TG: variants seen among roughly 807,000 people sequenced by gnomAD.
TG encodes thyroid hormones.
Under a neutral mutation model 324.7 loss-of-function variants are expected in TG, and 270 were observed. The ratio of observed to expected loss-of-function variants is 0.83; its 90% confidence interval spans 0.75 to 0.92. TG has a LOEUF of 0.92. Ranked by LOEUF, TG falls within the 40% of genes least tolerant of loss-of-function variation. TG has a pLI of 0.00. For synonymous variants in TG, 1,401 were observed against 1,327.0 expected (o/e 1.06, Z -1.21); for missense variants, 3,591 against 3,456.4 (o/e 1.04, Z -0.98).
chr8:133,078,551 C>G (rs1012646783), intron 41 of TG, among the ~76,000 whole-genome samples: 3 of 152,206 alleles, frequency 2.0e-5, no homozygotes. Flanking sequence ...TTTATTCAAG[C>G]ATGCATTTTG....
chr8:132,937,211 A>G (rs1823738164), intron 25 of TG, among the ~76,000 whole-genome samples: 2 of 152,158 alleles, frequency 1.3e-5, no homozygotes, highest in African/African-American at 4.8e-5. Context: ...GAAGGGGAGT[A>G]CAGGTGTCAC....
chr8:133,133,307 A>G (rs1852087657), intron 46 of TG, 163 bp from the exon 47 acceptor site: 4 of 750,894 alleles, frequency 5.3e-6, no homozygotes, highest in Non-Finnish European at 9.3e-6. Flanking sequence ...TGCAGTCAAG[A>G]TCACAACCCC....
Position 132,890,592 on chromosome 8 carries a change from T to C in TG, c.2761+2024T>C, listed in dbSNP as rs76265524. 9.1e-3 allele frequency among the ~76,000 whole-genome samples: 1,385 copies of C among 152,318 alleles called. 39 individuals carry two copies. The highest frequency in any genetic ancestry group is 0.087 in the East Asian group (452 of 5,186). On this transcript the variant is annotated intron_variant, in intron 10 of 47. Coordinates refer to ENST00000220616, the MANE Select transcript of TG (RefSeq NM_003235.5). The stretch of plus-strand genomic sequence containing the variant: ...ACAGAACAGTAGCTGTCTTGTACCA[T>C]GGTTCTACCATCTACTGCTCTGTGA...
At chr8:133,009,376 C>T (rs1308058573) in intron 35 of TG, among the ~76,000 whole-genome samples, 2 of 152,028 alleles carry the variant, frequency 1.3e-5, no homozygotes, top group East Asian at 3.9e-4. Flanking sequence ...AAGCCAGGTC[C>T]CAACTTCAGG....
intron 41 of TG, among the ~76,000 whole-genome samples, chr8:133,060,612 T>C (rs1329830844): frequency 1.3e-5 from 2 of 152,216 alleles, no homozygotes; most frequent in Non-Finnish European, 2.9e-5. Context: ...TGTGTGTCTG[T>C]ACAACCAAAG....
intron 41 of TG, among the ~76,000 whole-genome samples, chr8:133,071,391 CT>C (rs1292446922): frequency 6.6e-6 from 1 of 152,210 alleles, no homozygotes; most frequent in Admixed American, 6.5e-5. Context: ...CTACCGTGTC[CT>C]TAGGCCTGAG....
chr8:133,110,209 C>T (rs776463131), intron 43 of TG, among the ~76,000 whole-genome samples: 1 of 152,162 alleles, frequency 6.6e-6, no homozygotes, highest in Non-Finnish European at 1.5e-5. Flanking sequence ...CGCTCCAGCC[C>T]GGGGCATTAG....
chr8:133,056,528 G>A (rs1044645146), intron 41 of TG, among the ~76,000 whole-genome samples: 1 of 152,278 alleles, frequency 6.6e-6, no homozygotes, highest in African/African-American at 2.4e-5. Context: ...ACACTGAGGT[G>A]GGGAGAGGGA....
chr8:133,085,529 C>T (rs756683158), intron 41 of TG, among the ~76,000 whole-genome samples: 4 of 152,076 alleles, frequency 2.6e-5, no homozygotes, highest in African/African-American at 4.8e-5. Flanking sequence ...ATAACTCAAT[C>T]TGAAAATAAG....
Position 133,073,511 on chromosome 8 carries a change from G to A in TG, c.7240-21533G>A, listed in dbSNP as rs577053688. On this transcript the variant is annotated intron_variant, in intron 41 of 47. Transcript: ENST00000220616. ...CGAGTAGCTGGGATTACAGGCACCC[G>A]CCACCAAGCCCAGCTAATTTTTGTA... 5.3e-5 allele frequency among the ~76,000 whole-genome samples: 8 copies of A among 152,084 alleles called. No homozygotes were observed. In the South Asian group the frequency reaches 8.3e-4, roughly 16 times the overall value.
chr8:132,875,423 T>C (rs1487325548), intron 5 of TG, among the ~76,000 whole-genome samples: 1 of 152,240 alleles, frequency 6.6e-6, no homozygotes, highest in Non-Finnish European at 1.5e-5. Flanking sequence ...TACAAATGAT[T>C]ACTGAAACAC....
At chr8:133,094,393 A>T (rs186692287) in intron 41 of TG, among the ~76,000 whole-genome samples, 3 of 151,918 alleles carry the variant, frequency 2.0e-5, no homozygotes, top group Admixed American at 6.6e-5. Flanking sequence ...GGCGCCCGTC[A>T]CCACGCCTGG....
chr8:132,951,082 G>A (rs894773885), intron 27 of TG, among the ~76,000 whole-genome samples: 3 of 152,090 alleles, frequency 2.0e-5, no homozygotes, highest in East Asian at 1.9e-4. Flanking sequence ...CTCTGTATGG[G>A]CCCTTGCAGA....
rs376606943 is a variant in TG at position 132,885,678 on chromosome 8, A to G, written c.1076-770A>G. Among the ~76,000 whole-genome samples, 17 of 152,326 alleles carry G rather than the reference A, an allele frequency of 1.1e-4. No homozygotes were observed. In the East Asian group the frequency reaches 2.7e-3, roughly 24 times the overall value. On this transcript the variant is annotated intron_variant, in intron 8 of 47. Transcript: ENST00000220616. ...AATACGCATAGGAATGTGTTGGTCT[A>G]CTAGTCTCCTAGAGCTGCCACAACA...
In TG at chr8:133,069,603, C is replaced by T. The variant is rs1416540908; in HGVS notation, c.7240-25441C>T. On this transcript the variant is annotated intron_variant, in intron 41 of 47. Transcript: ENST00000220616. ...GACTGAGTGGTGAGTGACCGTCTCC[C>T]CTACTGGACTATAAGTGCCTTGAGA... is the stretch of plus-strand genomic sequence containing the variant. Among the ~76,000 whole-genome samples, 5 of 152,268 alleles carry T rather than the reference C, an allele frequency of 3.3e-5. 1 individual carries two copies. In the East Asian group the frequency reaches 7.7e-4, roughly 23 times the overall value.
chr8:132,902,776 G>C (rs1794000698), intron 16 of TG, among the ~76,000 whole-genome samples: 1 of 152,160 alleles, frequency 6.6e-6, no homozygotes, highest in African/African-American at 2.4e-5. Context: ...GACCGGTGTG[G>C]CCTCCTCCAG....
At chr8:133,057,166 TGC>T (rs879595674) in intron 41 of TG, among the ~76,000 whole-genome samples, 2,772 of 151,350 alleles carry the variant, frequency 0.018, 96 homozygotes, top group African/African-American at 0.063. Flanking sequence ...GGGTCTGTGC[TGC>T]TGCCTCTGTT....
chr8:133,050,096 C>A, intron 41 of TG: 1 of 793,132 alleles, frequency 1.3e-6, no homozygotes, highest in Non-Finnish European at 2.2e-6. Context: ...GAACATTCCT[C>A]TTTTAAGATC....
At chr8:132,902,946 G>T (rs1818134873) in intron 16 of TG, among the ~76,000 whole-genome samples, 1 of 152,160 alleles carries the variant, frequency 6.6e-6, no homozygotes, top group Non-Finnish European at 1.5e-5. Flanking sequence ...CAGGTAAATA[G>T]ATAGAGCTCT....
Sources: allele counts gnomAD v4.1 joint callset (sites outside exome capture counted in the v4.1 genomes callset), GRCh38; gene constraint gnomAD v4.1.1; transcripts MANE v1.5; gene names NCBI Gene and HGNC (gene_info 2026-07-23, HGNC 2026-07-21).